CEACAM21: variants seen among roughly 807,000 people sequenced by gnomAD.
The protein encoded by CEACAM21 is cell adhesion molecule CEACAM21.
CEACAM21 carries 38 observed loss-of-function variants against 33.2 expected under a neutral mutation model. The ratio of observed to expected loss-of-function variants is 1.14; its 90% CI spans 0.88 to 1.50. The LOEUF (loss-of-function observed/expected upper bound fraction) is 1.50. Among genes scored for constraint, CEACAM21 ranks in the 40% most tolerant of loss-of-function variants. The pLI is 0.00. For synonymous variants in CEACAM21, 156 were observed against 143.0 expected (o/e 1.09, Z -0.65); for missense variants, 385 against 364.6 (o/e 1.06, Z -0.46).
chr19:41,576,383 G>C (rs1600242193), intron 1 of CEACAM21, 45 bp downstream of exon 1: 2 of 1,586,902 alleles, frequency 1.3e-6, no homozygotes, highest in East Asian at 4.5e-5. Context: ...AGGGAGCACA[G>C]AGACTGGCTG....
chr19:41,563,024 A>C (rs941043555), intron 1 of CEACAM21, among the ~76,000 whole-genome samples: 1 of 152,174 alleles, frequency 6.6e-6, no homozygotes, highest in Non-Finnish European at 1.5e-5. Flanking sequence ...CACTGCGCCC[A>C]GCCTCAGTAT....
At chr19:41,566,659 A>G (rs1445652240) in intron 2 of CEACAM21, among the ~76,000 whole-genome samples, 2 of 152,256 alleles carry the variant, frequency 1.3e-5, no homozygotes, top group African/African-American at 2.4e-5. Context: ...ATGCTATAAC[A>G]GCTTCTGAAA....
chr19:41,571,809 A>T (rs2042630761), upstream of CEACAM21, among the ~76,000 whole-genome samples: 1 of 152,180 alleles, frequency 6.6e-6, no homozygotes, highest in Non-Finnish European at 1.5e-5. Flanking sequence ...AGAACACTGG[A>T]TGGCCCCCAT....
chr19:41,569,848 C>G (rs2042490985), intron 2 of CEACAM21, among the ~76,000 whole-genome samples: 1 of 152,202 alleles, frequency 6.6e-6, no homozygotes, highest in Non-Finnish European at 1.5e-5. Context: ...CAAATTCCAT[C>G]AGTGCAAGCT....
upstream of CEACAM21, chr19:41,576,092 C>CAG: frequency 1.6e-6 from 1 of 640,790 alleles, no homozygotes; most frequent in Non-Finnish European, 2.7e-6. Context: ...GGGGAGGGGA[C>CAG]AGAGAGACAT....
chr19:41,585,450 G>C lies in CEACAM21; in HGVS notation c.805G>C (p.Asp269His), dbSNP rs374431132. ...LLLRKTGRASDQSDFREQQPP... is the reference protein window; with the variant it reads ...LLLRKTGRASHQSDFREQQPP... The stretch of plus-strand genomic sequence containing the variant: ...AACCCTGACCTTTCCTAGGGCCAGC[G>C]ATCAGAGTGACTTCAGGGAGCAGCA... The change falls in exon 5 of 7, where the codon GAT becomes CAT. Residue 269 changes from aspartate (D) to histidine (H), a missense_variant. Physicochemically the swap from Asp to His is moderately conservative, Grantham distance 81. Coordinates refer to ENST00000401445, the MANE Select transcript of CEACAM21 (RefSeq NM_001098506.4). 8 of 1,613,750 alleles carry C rather than the reference G, an allele frequency of 5.0e-6. No individual in the cohort carries two copies. In the South Asian group the frequency reaches 6.6e-5, roughly 13 times the overall value.
rs547912175 is a variant in CEACAM21, at chr19:41,583,591, A to G, written c.701-756A>G. Among the ~76,000 whole-genome samples the G allele has an allele frequency of 3.3e-5, 5 of 152,242 alleles. No homozygotes were observed. The South Asian group carries it at 6.2e-4, about 19-fold the overall frequency. ...TCCACATGGCTGGAGAGGTCTCACA[A>G]TCATGATGGAAGGTGAAAGGCATGT... is the stretch of plus-strand genomic sequence containing the variant. On this transcript the variant is annotated intron_variant, in intron 3 of 6. Coordinates refer to ENST00000401445, the MANE Select transcript of CEACAM21 (RefSeq NM_001098506.4).
rs868952165 is a variant in CEACAM21, at chr19:41,584,459, C to T, written c.797+16C>T. The stretch of plus-strand genomic sequence containing the variant: ...AAACTGGCAGGTACCACAGCTTTTC[C>T]CCATTCTGCTCCCATCCTTCACGCT... On this transcript the variant is annotated intron_variant, in intron 4 of 6. Coordinates refer to ENST00000401445, the MANE Select transcript of CEACAM21 (RefSeq NM_001098506.4). The T allele has an allele frequency of 6.3e-7, 1 of 1,591,778 alleles. No individual in the cohort carries two copies. The highest frequency in any genetic ancestry group is 8.6e-7 in the Non-Finnish European group (1 of 1,167,558).
At chr19:41,582,344 AG>A (rs1429572241) in intron 3 of CEACAM21, among the ~76,000 whole-genome samples, 1 of 152,164 alleles carries the variant, frequency 6.6e-6, no homozygotes, top group Non-Finnish European at 1.5e-5. Context: ...CAGCTTTTCT[AG>A]GTGCATGGTG....
chr19:41,564,993 A>T (rs2122186815), exon 2 of CEACAM21: 1 of 152,538 alleles, frequency 6.6e-6, no homozygotes, highest in African/African-American at 2.4e-5. Context: ...TGAGGAGGAG[A>T]GGCCCGCGCG....
chr19:41,577,598 G>T (rs778554230), intron 2 of CEACAM21, 39 bp downstream of exon 2: 47 of 1,606,036 alleles, frequency 2.9e-5, no homozygotes, highest in Non-Finnish European at 3.9e-5. Context: ...TTGGGGGTCA[G>T]TTCTGCTTCA....
rs577019169 is a variant in CEACAM21, at chr19:41,565,344, G to T, written c.-404+288G>T. 1.5e-3 allele frequency among the ~76,000 whole-genome samples: 229 copies of T among 152,292 alleles called. 1 individual carries two copies. The highest frequency in any genetic ancestry group is 5.3e-3 in the African/African-American group (222 of 41,578). ...CCTGGCCTGCCTTGGGGAAGGGGCG[G>T]GGGCGGGTGCCTCTGGGACACCCAG... On this transcript the variant is annotated intron_variant, in intron 2 of 7. Coordinates refer to the CEACAM21 transcript ENST00000407170.
At chr19:41,559,643 T>C (rs1271750844) in intron 1 of CEACAM21, among the ~76,000 whole-genome samples, 7 of 151,874 alleles carry the variant, frequency 4.6e-5, no homozygotes, top group Non-Finnish European at 1.0e-4. Flanking sequence ...TCCAGCAGGA[T>C]TATTAAGAAA....
intron 1 of CEACAM21, among the ~76,000 whole-genome samples, chr19:41,561,608 A>G (rs10421584): frequency 0.095 from 14,499 of 152,252 alleles, 1,369 homozygotes; most frequent in East Asian, 0.36. Context: ...ATGTGGTACA[A>G]CAAAGAACCC....
chr19:41,586,587 G>A lies in CEACAM21; in HGVS notation c.*124G>A, dbSNP rs2122322780. On this transcript the variant is annotated 3_prime_UTR_variant, in exon 7 of 7. Coordinates refer to ENST00000401445, the MANE Select transcript of CEACAM21 (RefSeq NM_001098506.4). ...GAGCGTCCCTGAAGCCCCCAGCCCT[G>A]GGGATGGGGAAGGACATGGAGCCTG... 16 of 597,586 alleles carry A rather than the reference G, an allele frequency of 2.7e-5. 1 individual carries two copies. Among genetic ancestry groups the A allele is most frequent in the South Asian group, 2.1e-4 (15 of 73,012 alleles). 37.0% of individuals were successfully genotyped at this position (597,586 alleles called of 1,614,324 possible).
intron 1 of CEACAM21, chr19:41,552,171 A>T (rs148529137): frequency 6.6e-6 from 1 of 152,284 alleles, no homozygotes; most frequent in South Asian, 2.1e-4. Flanking sequence ...CTGTAACTCT[A>T]GTCTAAGTCT....
chr19:41,556,816 G>T (rs1000597904), intron 1 of CEACAM21, among the ~76,000 whole-genome samples: 14 of 152,120 alleles, frequency 9.2e-5, no homozygotes, highest in African/African-American at 2.7e-4. Context: ...TTTTTGGCAG[G>T]GGGTCAGATT....
chr19:41,561,632 C>T (rs2041888345), intron 1 of CEACAM21, among the ~76,000 whole-genome samples: 1 of 152,192 alleles, frequency 6.6e-6, no homozygotes, highest in African/African-American at 2.4e-5. Flanking sequence ...AGAAGAGTAA[C>T]AAGGGGGCAA....
In CEACAM21 at chr19:41,586,773, G is replaced by A. The variant is rs578137746; in HGVS notation, c.*310G>A. 1.1e-5 allele frequency: 4 copies of A among 348,974 alleles called. No homozygotes were observed. Among genetic ancestry groups the A allele is most frequent in the Non-Finnish European group, 2.2e-5 (4 of 180,340 alleles). The allele number at this position is 348,974 out of a possible 1,614,324, so 21.6% of individuals were successfully genotyped here. A position where few individuals can be genotyped will look rare whatever the true frequency, so the allele number is the denominator to read the frequency against. On this transcript the variant is annotated 3_prime_UTR_variant, in exon 7 of 7. Transcript: ENST00000401445. ...ACCACAGGAAGTGGGGGCTTGCAGG[G>A]AAAGTGAATGGGCCTATGGCCCACC...
Sources: allele counts gnomAD v4.1 joint callset (sites outside exome capture counted in the v4.1 genomes callset), GRCh38; gene constraint gnomAD v4.1.1; transcripts MANE v1.5; gene names NCBI Gene and HGNC (gene_info 2026-07-23, HGNC 2026-07-21).